The following SIPA1L3 variants were observed in gnomAD, a reference collection of about 807,000 sequenced individuals.
SIPA1L3 encodes signal induced proliferation associated 1 like 3, also known as signal-induced proliferation-associated 1-like protein 3.
A neutral mutation model predicts 150.1 loss-of-function variants in SIPA1L3; 59 were observed. The ratio of observed to expected loss-of-function variants is 0.39; its 90% CI spans 0.32 to 0.49. The LOEUF is 0.49. SIPA1L3 is among the 20% of genes least tolerant of loss of function. SIPA1L3 has a pLI of 0.86. For synonymous variants in SIPA1L3, 1,070 were observed against 1,077.6 expected, an observed-to-expected ratio of 0.99 and a Z score of 0.14; for missense variants, 2,211 against 2,489.5, an observed-to-expected ratio of 0.89 and a Z score of 2.38.
At chr19:37,908,057 C>T (rs541069141) in intron 1 of SIPA1L3, 1 of 152,318 alleles carries the variant, frequency 6.6e-6, no homozygotes, top group African/African-American at 2.4e-5. Context: ...GAGTTGTTTT[C>T]AGGATGCAGT....
intron 1 of SIPA1L3, among the ~76,000 whole-genome samples, chr19:37,935,899 C>T (rs979051987): frequency 6.6e-6 from 1 of 152,046 alleles, no homozygotes; most frequent in South Asian, 2.1e-4. Flanking sequence ...AGGTGTGGTC[C>T]ACTGTGGGCA....
rs544597988 is a variant in SIPA1L3, at chr19:38,117,988, T to G, written c.2292-1318T>G. Among the ~76,000 whole-genome samples, 205 of 152,312 alleles carry G rather than the reference T, an allele frequency of 1.3e-3. 2 individuals carry two copies. Among genetic ancestry groups the G allele is most frequent in the Non-Finnish European group, 2.0e-3 (136 of 68,034 alleles). On this transcript the variant is annotated intron_variant, in intron 8 of 21. Transcript: ENST00000222345. ...TACGCTCTCCTGAGTTGCTATCAGATTTTGATAGCGCCTCCATCAAAACTT... is the reference window on the plus strand; with the variant it reads ...TACGCTCTCCTGAGTTGCTATCAGAGTTTGATAGCGCCTCCATCAAAACTT...
chr19:38,110,948 C>T (rs1009813868), intron 8 of SIPA1L3, among the ~76,000 whole-genome samples: 1 of 123,822 alleles, frequency 8.1e-6, no homozygotes, highest in East Asian at 3.3e-4. Context: ...AGAGGAAAGT[C>T]GGAGGGAAGC....
chr19:37,952,239 T>G (rs2046770857), intron 1 of SIPA1L3, among the ~76,000 whole-genome samples: 1 of 152,186 alleles, frequency 6.6e-6, no homozygotes, highest in Admixed American at 6.5e-5. Context: ...TTTGGGTAAC[T>G]GAACTTCTCA....
chr19:38,076,503 A>C (rs983943253), intron 2 of SIPA1L3, among the ~76,000 whole-genome samples: 1 of 152,172 alleles, frequency 6.6e-6, no homozygotes, highest in Non-Finnish European at 1.5e-5. Flanking sequence ...TGTGACACTC[A>C]TCATCTCCGC....
At chr19:38,124,140 G>C (rs1172477553) in intron 9 of SIPA1L3, among the ~76,000 whole-genome samples, 1 of 150,546 alleles carries the variant, frequency 6.6e-6, no homozygotes, top group African/African-American at 2.4e-5. Context: ...TGGCTGCCGG[G>C]CGGAGACGCT....
rs1166578960 is a variant in SIPA1L3, at chr19:38,082,858, C to G, written c.1293C>G (p.Arg431=). The G allele has an allele frequency of 2.1e-5, 34 of 1,613,558 alleles. 1 individual carries two copies. In the Admixed American group the frequency reaches 5.5e-4, roughly 26 times the overall value. ...TGCTGCTCAGCTGCCCGCACTTCCG[C>G]AATGAGATCGGGGGCGAGTGTGAGC... ...NDLLLSCPHF[R]NEIGGECERN... is the part of the protein sequence containing the mutation. Residue 431 remains arginine, a synonymous_variant, in exon 3 of 22, where the codon CGC becomes CGG. Coordinates refer to ENST00000222345, the MANE Select transcript of SIPA1L3 (RefSeq NM_015073.3).
At chr19:38,149,454 G>A (rs1471055402) in intron 12 of SIPA1L3, among the ~76,000 whole-genome samples, 2 of 152,178 alleles carry the variant, frequency 1.3e-5, no homozygotes, top group East Asian at 1.9e-4. Flanking sequence ...GTCTGATTGG[G>A]GAAAGTAGCT....
intron 1 of SIPA1L3, among the ~76,000 whole-genome samples, chr19:37,970,573 A>C (rs1966906261): frequency 6.6e-6 from 1 of 152,144 alleles, no homozygotes; most frequent in Admixed American, 6.6e-5. Context: ...CTTCGCACTA[A>C]AGCCATCCGT....
intron 1 of SIPA1L3, among the ~76,000 whole-genome samples, chr19:37,923,268 T>C (rs760356275): frequency 6.6e-6 from 1 of 152,028 alleles, no homozygotes; most frequent in African/African-American, 2.4e-5. Flanking sequence ...TTCTGAGAAA[T>C]GTGTTGTTAG....
chr19:38,181,479 A>G (rs1972552596), intron 15 of SIPA1L3, among the ~76,000 whole-genome samples: 1 of 152,084 alleles, frequency 6.6e-6, no homozygotes, highest in Non-Finnish European at 1.5e-5. Context: ...AAATAAACAA[A>G]AAACCAATAA....
intron 15 of SIPA1L3, among the ~76,000 whole-genome samples, chr19:38,166,632 T>G: frequency 6.6e-6 from 1 of 152,064 alleles, no homozygotes; most frequent in Admixed American, 6.6e-5. Context: ...TTGGACCCCC[T>G]TAGGGTTCTG....
chr19:37,971,570 G>GT lies in SIPA1L3; in HGVS notation c.-378-57509dup, dbSNP rs58050100. ...AGTGTCATGTTTTTTGTTTTTTGGGGTTTTTTTTTTGCAGAGACAGAGTCT... is the reference window on the plus strand; with the variant it reads ...AGTGTCATGTTTTTTGTTTTTTGGGGTTTTTTTTTTTGCAGAGACAGAGTCT... On this transcript the variant is annotated intron_variant, in intron 1 of 21. Transcript: ENST00000222345. Among the ~76,000 whole-genome samples the GT allele has an allele frequency of 6.2e-3, 923 of 149,534 alleles. 3 individuals are homozygous for GT. The highest frequency in any genetic ancestry group is 0.011 in the Admixed American group (169 of 15,030).
chr19:38,038,410 T>A (rs927859426), intron 2 of SIPA1L3, among the ~76,000 whole-genome samples: 11 of 151,920 alleles, frequency 7.2e-5, no homozygotes, highest in African/African-American at 2.4e-4. Context: ...GCCAGCATGG[T>A]GAAACCCCAT....
intron 2 of SIPA1L3, among the ~76,000 whole-genome samples, chr19:38,036,218 A>T (rs1007550582): frequency 6.6e-6 from 1 of 152,220 alleles, no homozygotes; most frequent in Non-Finnish European, 1.5e-5. Flanking sequence ...AGTGTGATTT[A>T]TTCTCTGGGA....
chr19:37,924,635 G>A (rs144338254), intron 1 of SIPA1L3, among the ~76,000 whole-genome samples: 3,121 of 141,610 alleles, frequency 0.022, 115 homozygotes, highest in African/African-American at 0.077. Context: ...CTGAGATTGC[G>A]CCACTGCACT....
At chr19:38,173,369 T>C (rs1018514953) in intron 15 of SIPA1L3, among the ~76,000 whole-genome samples, 2 of 152,374 alleles carry the variant, frequency 1.3e-5, no homozygotes, top group Admixed American at 1.3e-4. Context: ...ACATTCGTCA[T>C]GGGAGCCCAG....
At chr19:37,955,549 C>G (rs1171611075) in intron 1 of SIPA1L3, among the ~76,000 whole-genome samples, 1 of 152,148 alleles carries the variant, frequency 6.6e-6, no homozygotes, top group Non-Finnish European at 1.5e-5. Flanking sequence ...CGCCTAGGCC[C>G]AGGCTACCAC....
intron 3 of SIPA1L3, among the ~76,000 whole-genome samples, chr19:38,084,959 A>G (rs895096731): frequency 1.3e-5 from 2 of 151,994 alleles, no homozygotes; most frequent in Non-Finnish European, 2.9e-5. Flanking sequence ...TAGTTTTTAA[A>G]AATATTTAAA....
Sources: allele counts gnomAD v4.1 joint callset (sites outside exome capture counted in the v4.1 genomes callset), GRCh38; gene constraint gnomAD v4.1.1; transcripts MANE v1.5; gene names NCBI Gene and HGNC (gene_info 2026-07-23, HGNC 2026-07-21).